SPIRE1: variants seen among roughly 807,000 people sequenced by gnomAD.
SPIRE1 encodes the protein protein spire homolog 1.
In SPIRE1, 40 loss-of-function variants were observed where a neutral mutation model predicts 94.1. That is an observed-to-expected ratio of 0.43 (90% confidence interval 0.33 to 0.55). The LOEUF is 0.55. Among genes scored for constraint, SPIRE1 ranks in the 20% least tolerant of loss-of-function variants. The probability of loss-of-function intolerance (pLI) is 0.06; values close to 1 mark genes in which losing one functional copy is unlikely to be tolerated. For missense variants in SPIRE1, 838 were observed against 975.2 expected (o/e 0.86, Z 1.87); for synonymous variants, 376 against 371.7 (o/e 1.01, Z -0.13).
intron 1 of SPIRE1, among the ~76,000 whole-genome samples, chr18:12,643,883 A>G (rs188083989): frequency 2.8e-4 from 43 of 152,064 alleles, no homozygotes; most frequent in African/African-American, 1.0e-3. Context: ...TAATGAAAAG[A>G]TCATTAATTA....
At chr18:12,644,673 T>C (rs35643117) in intron 1 of SPIRE1, among the ~76,000 whole-genome samples, 11,192 of 152,276 alleles carry the variant, frequency 0.073, 579 homozygotes, top group Non-Finnish European at 0.11. Context: ...TCTAATCACA[T>C]GGACACCCAC....
chr18:12,570,003 G>C (rs141840293), intron 2 of SPIRE1, among the ~76,000 whole-genome samples: 1,739 of 152,314 alleles, frequency 0.011, 34 homozygotes, highest in African/African-American at 0.039. Context: ...CTAGCTGCCA[G>C]GTCCAGCCAC....
At chr18:12,552,160 C>G (rs2035369659) in intron 2 of SPIRE1, among the ~76,000 whole-genome samples, 1 of 152,048 alleles carries the variant, frequency 6.6e-6, no homozygotes, top group Non-Finnish European at 1.5e-5. Context: ...GCAAGCCTTA[C>G]CACTGCGTGC....
chr18:12,494,109 C>T (rs2143872733), intron 7 of SPIRE1, among the ~76,000 whole-genome samples: 1 of 152,012 alleles, frequency 6.6e-6, no homozygotes, highest in East Asian at 1.9e-4. Context: ...GAGAGGGTCT[C>T]TCTATGTTGC....
At chr18:12,653,959 G>C (rs866817668) in intron 1 of SPIRE1, among the ~76,000 whole-genome samples, 1 of 145,528 alleles carries the variant, frequency 6.9e-6, no homozygotes, top group Non-Finnish European at 1.5e-5. Flanking sequence ...AAAAAAAAAA[G>C]AAAGAAAGAA....
At chr18:12,552,384 C>G (rs1384556948) in intron 2 of SPIRE1, among the ~76,000 whole-genome samples, 1 of 152,146 alleles carries the variant, frequency 6.6e-6, no homozygotes, top group Admixed American at 6.5e-5. Context: ...AAAGAGACCC[C>G]TTTTTTCCAC....
intron 2 of SPIRE1, among the ~76,000 whole-genome samples, chr18:12,619,415 G>A (rs1008261245): frequency 6.6e-6 from 1 of 152,146 alleles, no homozygotes; most frequent in Non-Finnish European, 1.5e-5. Flanking sequence ...GGCTGAGGCA[G>A]GAGAATGGCG....
chr18:12,635,861 C>T (rs752589850), intron 1 of SPIRE1, among the ~76,000 whole-genome samples: 17 of 151,598 alleles, frequency 1.1e-4, no homozygotes, highest in Non-Finnish European at 2.1e-4. Flanking sequence ...AATTATACTG[C>T]GTACTAGAAA....
At chr18:12,558,404 A>G (rs2035582354) in intron 2 of SPIRE1, among the ~76,000 whole-genome samples, 2 of 152,230 alleles carry the variant, frequency 1.3e-5, no homozygotes, top group African/African-American at 4.8e-5. Context: ...GTGCAAACCC[A>G]AAGAGTGAGC....
intron 7 of SPIRE1, among the ~76,000 whole-genome samples, chr18:12,495,464 A>G (rs960750373): frequency 5.3e-5 from 8 of 152,260 alleles, no homozygotes; most frequent in Non-Finnish European, 1.0e-4. Context: ...AGGACTATCC[A>G]GTAATATATT....
chr18:12,520,106 A>G (rs1471151317), intron 4 of SPIRE1, among the ~76,000 whole-genome samples: 2 of 152,214 alleles, frequency 1.3e-5, no homozygotes, highest in African/African-American at 4.8e-5. Flanking sequence ...TACAGATGTG[A>G]AAGCTATTTA....
intron 9 of SPIRE1, among the ~76,000 whole-genome samples, chr18:12,480,865 A>C (rs916186311): frequency 2.6e-5 from 4 of 152,218 alleles, no homozygotes; most frequent in African/African-American, 9.6e-5. Flanking sequence ...ATAAGTGAAA[A>C]AGAGCAGTTA....
At chr18:12,648,668 TC>T in intron 1 of SPIRE1, among the ~76,000 whole-genome samples, 1 of 151,838 alleles carries the variant, frequency 6.6e-6, no homozygotes, top group Non-Finnish European at 1.5e-5. Flanking sequence ...GGCGGACAGA[TC>T]ACCTGAGGTC....
chr18:12,596,353 G>T (rs1389532788), intron 2 of SPIRE1, among the ~76,000 whole-genome samples: 1 of 152,106 alleles, frequency 6.6e-6, no homozygotes, highest in Non-Finnish European at 1.5e-5. Context: ...TTTTGCCTTT[G>T]TCATTGCATA....
Position 12,650,171 on chromosome 18 carries a change from G to A in SPIRE1, c.337+7359C>T, listed in dbSNP as rs544641218. Among the ~76,000 whole-genome samples the A allele has an allele frequency of 7.2e-5, 11 of 151,752 alleles. No individual in the cohort carries two copies. In the South Asian group the frequency reaches 8.3e-4, roughly 12 times the overall value. ...CGAGAATTGCTTGAACCTGGGAGGC[G>A]AAGGTTGCAGTGACCCGAGCTCGTG... On this transcript the variant is annotated intron_variant, in intron 1 of 16. Coordinates refer to ENST00000409402, the MANE Select transcript of SPIRE1 (RefSeq NM_001128626.2).
chr18:12,602,948 T>G (rs954265281), intron 2 of SPIRE1, among the ~76,000 whole-genome samples: 5 of 152,184 alleles, frequency 3.3e-5, no homozygotes, highest in Non-Finnish European at 5.9e-5. Context: ...AGGTAAACAT[T>G]TTAGTATACA....
intron 3 of SPIRE1, among the ~76,000 whole-genome samples, chr18:12,541,415 C>T (rs1458272635): frequency 6.6e-6 from 1 of 152,152 alleles, no homozygotes; most frequent in African/African-American, 2.4e-5. Flanking sequence ...TTAAACCTCC[C>T]TCTATGGTTG....
intron 10 of SPIRE1, among the ~76,000 whole-genome samples, chr18:12,467,589 C>A (rs1208731039): frequency 2.0e-5 from 3 of 152,188 alleles, no homozygotes; most frequent in African/African-American, 7.2e-5. Flanking sequence ...TTATCTGCTA[C>A]CCTGATTAAA....
chr18:12,552,522 A>G (rs903743380), intron 2 of SPIRE1, among the ~76,000 whole-genome samples: 2 of 152,140 alleles, frequency 1.3e-5, no homozygotes, highest in African/African-American at 4.8e-5. Context: ...GCCTCCAAAG[A>G]GAGAAGTAAA....
Sources: gnomAD v4.1 joint callset for allele counts (sites outside exome capture counted in the v4.1 genomes callset) on GRCh38, gnomAD v4.1.1 for gene constraint, MANE v1.5 for transcripts, NCBI Gene and HGNC (gene_info 2026-07-23, HGNC 2026-07-21) for gene names.